The following SYT1 variants were observed in gnomAD, a reference collection of about 807,000 sequenced individuals.
SYT1 encodes synaptotagmin-1.
A neutral mutation model predicts 44.8 loss-of-function variants in SYT1; 8 were observed. That is an observed-to-expected ratio of 0.18 (90% CI 0.10 to 0.32). The LOEUF is 0.32. SYT1 is among the 10% of genes least tolerant of loss of function. The pLI is 1.00. For synonymous variants in SYT1, 154 were observed against 188.8 expected, an observed-to-expected ratio of 0.82 and a Z score of 1.51; for missense variants, 286 against 509.3, an observed-to-expected ratio of 0.56 and a Z score of 4.22.
chr12:79,449,046 C>T lies in SYT1; in HGVS notation c.1191C>T (p.Asn397=). The T allele has an allele frequency of 6.2e-7, 1 of 1,614,214 alleles. No individual in the cohort carries two copies. The highest frequency in any genetic ancestry group is 1.1e-5 in the South Asian group (1 of 91,086). The change falls in exon 11 of 11, where the codon AAC becomes AAT. Residue 397 remains asparagine, a synonymous_variant. Transcript: ENST00000261205. ...GACACTGGTCAGACATGCTGGCCAA[C>T]CCCAGGCGACCTATTGCCCAGTGGC... The part of the protein sequence containing the change: ...ELRHWSDMLA[N]PRRPIAQWHT...
chr12:79,382,876 C>A (rs895615010), intron 9 of SYT1, among the ~76,000 whole-genome samples: 5 of 152,224 alleles, frequency 3.3e-5, no homozygotes, highest in Admixed American at 6.5e-5. Context: ...AAAAGGCAGG[C>A]ATTTCTTGAC....
At chr12:78,924,187 A>G (rs1378027027) in intron 1 of SYT1, among the ~76,000 whole-genome samples, 1 of 151,932 alleles carries the variant, frequency 6.6e-6, no homozygotes. Flanking sequence ...CAGAAGGCCC[A>G]TGGTATTCAC....
At chr12:79,312,757 A>G (rs1025324611) in intron 8 of SYT1, among the ~76,000 whole-genome samples, 10 of 145,986 alleles carry the variant, frequency 6.8e-5, no homozygotes, top group African/African-American at 2.3e-4. Flanking sequence ...TGTGTAATTC[A>G]CAAGGGGCTG....
At chr12:79,107,913 CAGAG>C (rs970490139) in intron 3 of SYT1, among the ~76,000 whole-genome samples, 28 of 151,760 alleles carry the variant, frequency 1.8e-4, no homozygotes, top group African/African-American at 6.8e-4. Context: ...ACTAAATAAA[CAGAG>C]AGATGTACTA....
intron 9 of SYT1, among the ~76,000 whole-genome samples, chr12:79,422,482 C>T (rs568028148): frequency 6.6e-6 from 1 of 151,186 alleles, no homozygotes; most frequent in African/African-American, 2.4e-5. Flanking sequence ...GTATAGGTGA[C>T]TTATTGACTC....
intron 9 of SYT1, among the ~76,000 whole-genome samples, chr12:79,387,766 A>G (rs1451938549): frequency 6.6e-6 from 1 of 152,216 alleles, no homozygotes; most frequent in African/African-American, 2.4e-5. Flanking sequence ...ATACCAATTA[A>G]GATTTCTTTA....
intron 3 of SYT1, among the ~76,000 whole-genome samples, chr12:79,169,987 T>C (rs1366291265): frequency 1.3e-5 from 2 of 152,126 alleles, no homozygotes; most frequent in African/African-American, 2.4e-5. Context: ...CTAAGGTTAA[T>C]GGCCTTCAGC....
At chr12:78,888,073 CA>C (rs1483973408) in intron 1 of SYT1, among the ~76,000 whole-genome samples, 1 of 151,786 alleles carries the variant, frequency 6.6e-6, no homozygotes, top group Non-Finnish European at 1.5e-5. Flanking sequence ...TAAGATGTGT[CA>C]TTGGTAATAG....
At chr12:79,339,982 G>C (rs1355554955) in intron 8 of SYT1, among the ~76,000 whole-genome samples, 2 of 152,288 alleles carry the variant, frequency 1.3e-5, no homozygotes, top group East Asian at 1.9e-4. Flanking sequence ...GATGGTTGTA[G>C]ATGTGTGGTG....
intron 9 of SYT1, among the ~76,000 whole-genome samples, chr12:79,416,856 A>G (rs1245515729): frequency 6.6e-5 from 10 of 152,204 alleles, no homozygotes; most frequent in Admixed American, 5.9e-4. Context: ...TACTCTTAAA[A>G]ATGATTGCAC....
rs869290804 is a variant in SYT1, at chr12:78,973,938, AATATATATATATATAT to A, written c.-216-3826_-216-3811del. Among the ~76,000 whole-genome samples the A allele has an allele frequency of 3.3e-3, 83 of 25,218 alleles. 1 individual carries two copies. Among genetic ancestry groups the A allele is most frequent in the South Asian group, 0.012 (6 of 520 alleles). 16.5% of individuals were successfully genotyped at this position (25,218 alleles called of 152,430 possible). On this transcript the variant is annotated intron_variant, in intron 1 of 10. Coordinates refer to ENST00000261205, the MANE Select transcript of SYT1 (RefSeq NM_005639.3). ...CACCAAAAAAAAAAAAAAAAAAAAA[AATATATATATATATAT>A]ATATATATATATATATATATATATA...
intron 9 of SYT1, among the ~76,000 whole-genome samples, chr12:79,437,858 C>T (rs1399308800): frequency 6.6e-6 from 1 of 152,130 alleles, no homozygotes; most frequent in African/African-American, 2.4e-5. Context: ...TCCTATCAAA[C>T]ATGTGTTAAA....
At chr12:79,056,886 A>G (rs11112533) in intron 3 of SYT1, among the ~76,000 whole-genome samples, 30,860 of 151,854 alleles carry the variant, frequency 0.2, 3,525 homozygotes, top group East Asian at 0.3. Flanking sequence ...ATTATCTTCA[A>G]ATGAAAATTT....
chr12:79,008,704 A>C (rs578121436), intron 2 of SYT1, among the ~76,000 whole-genome samples: 27 of 152,254 alleles, frequency 1.8e-4, no homozygotes, highest in African/African-American at 6.5e-4. Flanking sequence ...TGGAATCAGC[A>C]GTATGTTGGA....
intron 2 of SYT1, among the ~76,000 whole-genome samples, chr12:78,996,100 T>C (rs548537250): frequency 1.3e-5 from 2 of 152,290 alleles, no homozygotes; most frequent in African/African-American, 4.8e-5. Flanking sequence ...GAGGTGTAAT[T>C]ATAGGTATAA....
chr12:79,069,694 ATAAG>A (rs1259201604), intron 3 of SYT1, among the ~76,000 whole-genome samples: 1 of 152,142 alleles, frequency 6.6e-6, no homozygotes, highest in Admixed American at 6.6e-5. Context: ...TGAACACATA[ATAAG>A]TATGAAATAA....
chr12:79,055,612 C>T (rs949644564), intron 3 of SYT1, among the ~76,000 whole-genome samples: 13 of 151,870 alleles, frequency 8.6e-5, no homozygotes, highest in Non-Finnish European at 1.9e-4. Context: ...CCACTTACTA[C>T]CTGTGTGTCA....
intron 8 of SYT1, among the ~76,000 whole-genome samples, chr12:79,305,772 T>C (rs1470353437): frequency 6.6e-6 from 1 of 152,170 alleles, no homozygotes; most frequent in African/African-American, 2.4e-5. Flanking sequence ...CTCAGCTCAC[T>C]GCAACCCCCC....
At chr12:79,184,491 G>T (rs1407767804) in intron 3 of SYT1, among the ~76,000 whole-genome samples, 1 of 151,942 alleles carries the variant, frequency 6.6e-6, no homozygotes, top group Non-Finnish European at 1.5e-5. Flanking sequence ...ATCAGTTTCT[G>T]GCCATGTGAC....
Sources: gnomAD v4.1 joint callset for allele counts (sites outside exome capture counted in the v4.1 genomes callset) on GRCh38, gnomAD v4.1.1 for gene constraint, MANE v1.5 for transcripts, NCBI Gene and HGNC (gene_info 2026-07-23, HGNC 2026-07-21) for gene names.